RBM6: variants seen among roughly 807,000 people sequenced by gnomAD.
RBM6 encodes RNA binding motif protein 6, also known as RNA-binding protein 6.
In RBM6, 23 loss-of-function variants were observed where a neutral mutation model predicts 140.4. The ratio of observed to expected loss-of-function variants is 0.16; its 90% confidence interval spans 0.12 to 0.23. The LOEUF (loss-of-function observed/expected upper bound fraction) is 0.23. Ranked by LOEUF, RBM6 falls within the 10% of genes least tolerant of loss-of-function variation. RBM6 has a pLI of 1.00. For missense variants in RBM6, 1,139 were observed against 1,386.7 expected (o/e 0.82, Z 2.84); for synonymous variants, 439 against 475.6 (o/e 0.92, Z 1.00).
intron 6 of RBM6, among the ~76,000 whole-genome samples, chr3:50,043,721 T>C (rs1387351318): frequency 6.6e-6 from 1 of 150,920 alleles, no homozygotes; most frequent in Non-Finnish European, 1.5e-5. Context: ...GTAGCTGGGA[T>C]TACAAGCATG....
rs965609040 is a variant in RBM6 at position 49,996,299 on chromosome 3, C to G, written c.1484-3141C>G. Among the ~76,000 whole-genome samples the G allele has an allele frequency of 3.3e-5, 5 of 152,150 alleles. No homozygotes were observed. The East Asian group carries it at 9.6e-4, about 29-fold the overall frequency. The stretch of plus-strand genomic sequence containing the variant: ...GGAAAAACTGGCAATGTTGGACTTA[C>G]CTAAATTGAAAGATGGTATGTTGTT... On this transcript the variant is annotated intron_variant, in intron 5 of 20. Coordinates refer to ENST00000266022, the MANE Select transcript of RBM6 (RefSeq NM_005777.3).
chr3:50,002,487 C>G (rs1314819701), intron 6 of RBM6, among the ~76,000 whole-genome samples: 1 of 151,838 alleles, frequency 6.6e-6, no homozygotes, highest in Non-Finnish European at 1.5e-5. Context: ...GTCTGGAACT[C>G]CTGACCTCAG....
chr3:50,023,463 A>G (rs770971749), intron 6 of RBM6, among the ~76,000 whole-genome samples: 9 of 151,634 alleles, frequency 5.9e-5, no homozygotes, highest in Non-Finnish European at 8.8e-5. Flanking sequence ...CTGCCACCAC[A>G]CCTGACTAAT....
At chr3:50,005,034 T>G (rs1277582016) in intron 6 of RBM6, among the ~76,000 whole-genome samples, 1 of 152,172 alleles carries the variant, frequency 6.6e-6, no homozygotes, top group Non-Finnish European at 1.5e-5. Context: ...CTTTTTCTGG[T>G]GTGAGGAATG....
Position 50,061,476 on chromosome 3 carries a change from T to C in RBM6, c.2368T>C (p.Tyr790His). 1 of 1,606,882 alleles carries C rather than the reference T, an allele frequency of 6.2e-7. No homozygotes were observed. Residue 790 changes from tyrosine (Y) to histidine (H), a missense_variant, in exon 14 of 21, where the codon TAC (tyrosine) becomes CAC (histidine). Around this residue, in one of 9 missense-constraint regions of RBM6, gnomAD observed 163 missense variants for 182.8 expected, o/e 0.89. Transcript: ENST00000266022. ...GTTACCTTTAGCATCATCTGACTGC[T>C]ACATATATGATTCTGCTACTGGCTA... is the stretch of plus-strand genomic sequence containing the variant. ...RQGQQSSSDC[Y>H]IYDSATGYYY...
At chr3:50,042,377 G>A (rs2088971711) in intron 6 of RBM6, among the ~76,000 whole-genome samples, 3 of 152,152 alleles carry the variant, frequency 2.0e-5, no homozygotes, top group Admixed American at 2.0e-4. Context: ...CTTTAACAAA[G>A]ATGCAAAGCT....
At chr3:49,986,420 C>G (rs1283379352) in intron 5 of RBM6, among the ~76,000 whole-genome samples, 3 of 151,486 alleles carry the variant, frequency 2.0e-5, no homozygotes, top group African/African-American at 7.3e-5. Context: ...TGGTGAAACC[C>G]CATCTGTACT....
chr3:49,953,904 G>A (rs1575531426), intron 1 of RBM6, among the ~76,000 whole-genome samples: 1 of 152,054 alleles, frequency 6.6e-6, no homozygotes, highest in African/African-American at 2.4e-5. Flanking sequence ...AGGTGGAGGC[G>A]GGGTAATCGC....
At chr3:49,982,673 C>G (rs1024465411) in intron 5 of RBM6, among the ~76,000 whole-genome samples, 7 of 151,862 alleles carry the variant, frequency 4.6e-5, no homozygotes, top group Admixed American at 2.6e-4. Context: ...CCACCTCGGC[C>G]TCCCAAAGTG....
At chr3:50,021,052 A>G (rs544648603) in intron 6 of RBM6, among the ~76,000 whole-genome samples, 4 of 152,264 alleles carry the variant, frequency 2.6e-5, no homozygotes, top group East Asian at 1.9e-4. Context: ...GTTTAATTCT[A>G]TTGTGATCTG....
chr3:49,977,013 A>G (rs2085091787), intron 5 of RBM6, among the ~76,000 whole-genome samples: 2 of 152,204 alleles, frequency 1.3e-5, no homozygotes, highest in African/African-American at 4.8e-5. Flanking sequence ...TTTATATTAC[A>G]TCTCTATGTG....
chr3:49,992,859 C>A (rs1360702770), intron 5 of RBM6, among the ~76,000 whole-genome samples: 1 of 152,288 alleles, frequency 6.6e-6, no homozygotes, highest in African/African-American at 2.4e-5. Flanking sequence ...TTCTGTCATG[C>A]CTGCACCATC....
rs1199917059 is a variant in RBM6 at position 49,947,251 on chromosome 3, C to CA, written c.-67+7037dup. 1.6e-3 allele frequency among the ~76,000 whole-genome samples: 90 copies of CA among 55,716 alleles called. 1 individual carries two copies. Among genetic ancestry groups the CA allele is most frequent in the African/African-American group, 8.1e-3 (87 of 10,804 alleles). 36.6% of individuals were successfully genotyped at this position (55,716 alleles called of 152,430 possible). The stretch of plus-strand genomic sequence containing the variant: ...TGGGCGACAGAGCGAGACTCCGTCT[C>CA]AAAAAAAAAAAGGGGGGGGGGGGGG... On this transcript the variant is annotated intron_variant, in intron 1 of 20. Coordinates refer to ENST00000266022, the MANE Select transcript of RBM6 (RefSeq NM_005777.3).
intron 1 of RBM6, among the ~76,000 whole-genome samples, chr3:49,951,787 A>G (rs1463164975): frequency 6.6e-6 from 1 of 151,902 alleles, no homozygotes; most frequent in African/African-American, 2.4e-5. Flanking sequence ...CAGTGGCACA[A>G]ACTCGGCTCA....
At position 50,075,316 on chromosome 3, in the gene RBM6, G is replaced by T. The variant is rs2090427936; in HGVS notation, c.3232G>T (p.Ala1078Ser). ...CCTGGGATATGGCCATCCTGGATTG[G>T]CTTCATCAGAGGAGGTAAAATGGTT... ...TGLGYGHPGL[A>S]SSEEAEGRMR... is the part of the protein sequence containing the mutation. The change falls in exon 20 of 21, where the codon GCT (alanine) becomes TCT (serine). Residue 1078 changes from alanine (A) to serine (S), a missense_variant. This residue lies in a region of RBM6 where 125 missense variants were observed against 142.0 expected (regional missense o/e 0.88). Transcript: ENST00000266022. 2 of 1,612,922 alleles carry T rather than the reference G, an allele frequency of 1.2e-6. No homozygotes were observed. The highest frequency in any genetic ancestry group is 2.7e-5 in the African/African-American group (2 of 74,878).
chr3:50,070,000 T>C (rs910567404), intron 18 of RBM6, among the ~76,000 whole-genome samples: 2 of 152,204 alleles, frequency 1.3e-5, no homozygotes, highest in Non-Finnish European at 2.9e-5. Context: ...CTGCTTTCTC[T>C]AGAAGAACGT....
At chr3:49,986,684 A>T (rs906816427) in intron 5 of RBM6, among the ~76,000 whole-genome samples, 1 of 151,298 alleles carries the variant, frequency 6.6e-6, no homozygotes, top group Admixed American at 6.6e-5. Flanking sequence ...CTTTAGTGTT[A>T]CCTGCCATTC....
intron 6 of RBM6, among the ~76,000 whole-genome samples, chr3:50,011,652 T>A (rs1333520056): frequency 6.6e-6 from 1 of 152,104 alleles, no homozygotes; most frequent in Non-Finnish European, 1.5e-5. Context: ...ATGGCTATCA[T>A]CTTTGACCCT....
At chr3:49,941,321 G>T (rs1454393276) in intron 1 of RBM6, among the ~76,000 whole-genome samples, 1 of 152,092 alleles carries the variant, frequency 6.6e-6, no homozygotes, top group African/African-American at 2.4e-5. Context: ...CTGCAGGACA[G>T]GTCCCAGGTC....
Sources: allele counts gnomAD v4.1 joint callset (sites outside exome capture counted in the v4.1 genomes callset), GRCh38; gene constraint gnomAD v4.1.1; regional missense constraint gnomAD v4.1.1; transcripts MANE v1.5; gene names NCBI Gene and HGNC (gene_info 2026-07-23, HGNC 2026-07-21).